Variants in AGAP1 observed in about 807,000 individuals in gnomAD.
AGAP1 encodes ArfGAP with GTPase domain, ankyrin repeat and PH domain 1, also known as arf-GAP with GTPase, ANK repeat and PH domain-containing protein 1.
In AGAP1, 29 loss-of-function variants were observed where a neutral mutation model predicts 105.3. The observed-to-expected ratio is 0.28, with a 90% CI of 0.21 to 0.38. The LOEUF (loss-of-function observed/expected upper bound fraction) is 0.38. Ranked by LOEUF, AGAP1 falls within the 10% of genes least tolerant of loss-of-function variation. The pLI is 1.00. For missense variants in AGAP1, 998 were observed against 1,165.1 expected, an observed-to-expected ratio of 0.86 and a Z score of 2.09; for synonymous variants, 509 against 485.9, an observed-to-expected ratio of 1.05 and a Z score of -0.63.
intron 9 of AGAP1, among the ~76,000 whole-genome samples, chr2:235,854,032 A>T (rs1374757969): frequency 6.6e-6 from 1 of 152,060 alleles, no homozygotes; most frequent in Non-Finnish European, 1.5e-5. Context: ...TGAGTGTAGA[A>T]AAAGGAAGTT....
At chr2:235,770,762 C>T (rs1575408033) in intron 6 of AGAP1, among the ~76,000 whole-genome samples, 2 of 152,206 alleles carry the variant, frequency 1.3e-5, no homozygotes, top group South Asian at 4.2e-4. Context: ...GATAATTAAG[C>T]TCAAAGTGGC....
chr2:235,667,162 C>A (rs528378801), intron 1 of AGAP1, among the ~76,000 whole-genome samples: 1 of 152,300 alleles, frequency 6.6e-6, no homozygotes, highest in African/African-American at 2.4e-5. Context: ...CTCTCCCTCG[C>A]TGTCTTTCTG....
At chr2:235,902,692 CA>C (rs2051124363) in intron 10 of AGAP1, among the ~76,000 whole-genome samples, 1 of 152,140 alleles carries the variant, frequency 6.6e-6, no homozygotes. Flanking sequence ...GTCATTCTTT[CA>C]GGTAAAAATC....
Position 235,550,977 on chromosome 2 carries a change from T to C in AGAP1, c.163+56128T>C, listed in dbSNP as rs1259967104. Among the ~76,000 whole-genome samples, 1 of 152,108 alleles carries C rather than the reference T, an allele frequency of 6.6e-6. No individual in the cohort carries two copies. Among genetic ancestry groups the C allele is most frequent in the African/African-American group, 2.4e-5 (1 of 41,420 alleles). ...TTAGTAGAAATGGGGTTTCACCATGTTGGGCAGGCTGGTCTCGAACTCCTG... is the reference window on the plus strand; with the variant it reads ...TTAGTAGAAATGGGGTTTCACCATGCTGGGCAGGCTGGTCTCGAACTCCTG... On this transcript the variant is annotated intron_variant, in intron 1 of 17. Coordinates refer to ENST00000304032, the MANE Select transcript of AGAP1 (RefSeq NM_001037131.3). This position sits in a 1 kb window ranked among gnomAD's most constrained non-coding sequence, Gnocchi z 4.6.
intron 9 of AGAP1, among the ~76,000 whole-genome samples, chr2:235,858,864 G>T (rs151230615): frequency 5.3e-4 from 81 of 152,302 alleles, no homozygotes; most frequent in African/African-American, 1.8e-3. Context: ...ATTTGCCACT[G>T]TAATTGACAA....
At chr2:235,619,571 GGCTGCTGGA>G (rs1946411895) in intron 1 of AGAP1, among the ~76,000 whole-genome samples, 1 of 151,968 alleles carries the variant, frequency 6.6e-6, no homozygotes, top group Non-Finnish European at 1.5e-5. Context: ...TCAATCCTGG[GGCTGCTGGA>G]GCCTAGGATC....
In AGAP1 at chr2:236,123,396, A is replaced by T. The variant is rs2059946013; in HGVS notation, c.2371-523A>T. Among the ~76,000 whole-genome samples, 1 of 152,022 alleles carries T rather than the reference A, an allele frequency of 6.6e-6. No individual in the cohort carries two copies. The highest frequency in any genetic ancestry group is 6.5e-5 in the Admixed American group (1 of 15,276). ...AGAAAATGATCACAGTATAGTAATC[A>T]ATAAAAAATGAAAAAAATACAAATT... On this transcript the variant is annotated intron_variant, in intron 17 of 17. Transcript: ENST00000304032. This position sits in a 1 kb window ranked among gnomAD's most constrained non-coding sequence, Gnocchi z 4.6.
At position 235,729,952 on chromosome 2, in the gene AGAP1, G is replaced by A. The variant is rs1951852462; in HGVS notation, c.311-11011G>A. On this transcript the variant is annotated intron_variant, in intron 3 of 17. Coordinates refer to ENST00000304032, the MANE Select transcript of AGAP1 (RefSeq NM_001037131.3). This position sits in a 1 kb window ranked among gnomAD's most constrained non-coding sequence, Gnocchi z 5.0. ...GGCCTTTTACACAGGCAGTTCGCCA[G>A]CCCCCTACCCTACAGTATGGAAAAA... Among the ~76,000 whole-genome samples, 1 of 152,050 alleles carries A rather than the reference G, an allele frequency of 6.6e-6. No individual in the cohort carries two copies. The highest frequency in any genetic ancestry group is 6.5e-5 in the Admixed American group (1 of 15,270).
chr2:235,640,905 T>G (rs374604585), intron 1 of AGAP1, among the ~76,000 whole-genome samples: 9 of 152,322 alleles, frequency 5.9e-5, no homozygotes, highest in African/African-American at 2.2e-4. Flanking sequence ...TTTCACTCAT[T>G]TAGGTGGGCT....
chr2:235,951,612 A>C lies in AGAP1; in HGVS notation c.1484-16850A>C, dbSNP rs1398211908. Among the ~76,000 whole-genome samples the C allele has an allele frequency of 6.6e-6, 1 of 152,174 alleles. No homozygotes were observed. Among genetic ancestry groups the C allele is most frequent in the Non-Finnish European group, 1.5e-5 (1 of 68,036 alleles). On this transcript the variant is annotated intron_variant, in intron 12 of 17. Coordinates refer to ENST00000304032, the MANE Select transcript of AGAP1 (RefSeq NM_001037131.3). This position sits in a 1 kb window ranked among gnomAD's most constrained non-coding sequence, Gnocchi z 4.2. ...AGGTTGTCCCGGGAAAGGCAGAATG[A>C]ATGTCACCCACCCTGGGGAAGGTGG...
intron 1 of AGAP1, among the ~76,000 whole-genome samples, chr2:235,618,264 T>G (rs369009532): frequency 2.2e-3 from 332 of 152,316 alleles, no homozygotes; most frequent in South Asian, 3.9e-3. Context: ...GTGTTATCAT[T>G]ACTAAACCAC....
intron 8 of AGAP1, 66 bp from the exon 9 acceptor site, chr2:235,807,173 A>G (rs1957879948): frequency 4.0e-6 from 6 of 1,493,620 alleles, no homozygotes; most frequent in Non-Finnish European, 3.6e-6. Flanking sequence ...TTCTGCAAAC[A>G]GGGGCAGAGC....
chr2:235,513,796 G>T (rs1356032165), intron 1 of AGAP1, among the ~76,000 whole-genome samples: 1 of 152,176 alleles, frequency 6.6e-6, no homozygotes, highest in African/African-American at 2.4e-5. Context: ...GGACCACCCA[G>T]CTGTGCTTGA....
rs2057960435 is a variant in AGAP1, at chr2:236,053,284, G to A, written c.2114+4003G>A. On this transcript the variant is annotated intron_variant, in intron 16 of 17. Coordinates refer to ENST00000304032, the MANE Select transcript of AGAP1 (RefSeq NM_001037131.3). The surrounding 1 kb of genome is among the most constrained non-coding windows in gnomAD (Gnocchi z 4.6). ...AATGAATGATTGAACGAGTAAATGA[G>A]TGAAAGCGGGAACTCGTCATCATGG... 6.6e-6 allele frequency among the ~76,000 whole-genome samples: 1 copy of A among 152,226 alleles called. No individual in the cohort carries two copies. Among genetic ancestry groups the A allele is most frequent in the Non-Finnish European group, 1.5e-5 (1 of 68,036 alleles).
At chr2:236,067,821 A>C (rs968554047) in intron 16 of AGAP1, among the ~76,000 whole-genome samples, 1 of 152,164 alleles carries the variant, frequency 6.6e-6, no homozygotes, top group South Asian at 2.1e-4. Flanking sequence ...AGTCTCATGG[A>C]ATCCAAAGAG....
At chr2:235,881,096 A>T (rs965106144) in intron 9 of AGAP1, among the ~76,000 whole-genome samples, 1 of 152,196 alleles carries the variant, frequency 6.6e-6, no homozygotes, top group South Asian at 2.1e-4. Flanking sequence ...TTCAAACTCA[A>T]ATATTTTCCC....
intron 6 of AGAP1, among the ~76,000 whole-genome samples, chr2:235,770,278 G>C (rs142249793): frequency 4.3e-5 from 6 of 140,058 alleles, no homozygotes; most frequent in African/African-American, 1.5e-4. Flanking sequence ...GACTACAGAC[G>C]CACGCCACCC....
Position 236,080,949 on chromosome 2 carries a change from C to T in AGAP1, c.2114+31668C>T, listed in dbSNP as rs114653878. On this transcript the variant is annotated intron_variant, in intron 16 of 17. Coordinates refer to ENST00000304032, the MANE Select transcript of AGAP1 (RefSeq NM_001037131.3). The surrounding 1 kb of genome is among the most constrained non-coding windows in gnomAD (Gnocchi z 4.2). The stretch of plus-strand genomic sequence containing the variant: ...CCCCTCTCAAGGGCCTTGTCTTAAC[C>T]GTATCTGCAGTTAGGTTGCCATGTA... Among the ~76,000 whole-genome samples the T allele has an allele frequency of 2.2e-3, 336 of 152,298 alleles. 1 individual carries two copies. The highest frequency in any genetic ancestry group is 7.7e-3 in the African/African-American group (320 of 41,564).
intron 1 of AGAP1, among the ~76,000 whole-genome samples, chr2:235,588,832 G>A (rs114580895): frequency 0.011 from 1,712 of 152,236 alleles, 33 homozygotes; most frequent in African/African-American, 0.038. Flanking sequence ...TACCCAGCAC[G>A]TTGGGGATTG....
Sources: gnomAD v4.1 joint callset for allele counts (sites outside exome capture counted in the v4.1 genomes callset) on GRCh38, gnomAD v4.1.1 for gene constraint, Gnocchi (gnomAD v3.1) non-coding constraint, MANE v1.5 for transcripts, NCBI Gene and HGNC (gene_info 2026-07-23, HGNC 2026-07-21) for gene names.